SLC14A2: variants seen among roughly 807,000 people sequenced by gnomAD.
SLC14A2 encodes the protein urea transporter 2.
A neutral mutation model predicts 104.6 loss-of-function variants in SLC14A2; 91 were observed. The observed-to-expected ratio is 0.87, with a 90% confidence interval of 0.73 to 1.04. SLC14A2 has a LOEUF of 1.04. Among genes scored for constraint, SLC14A2 ranks in the 50% least tolerant of loss-of-function variants. The pLI is 0.00. For synonymous variants in SLC14A2, 476 were observed against 466.4 expected (o/e 1.02, Z -0.27); for missense variants, 1,189 against 1,156.0 (o/e 1.03, Z -0.41).
intron 2 of SLC14A2, among the ~76,000 whole-genome samples, chr18:45,533,164 T>C (rs2043724913): frequency 6.6e-6 from 1 of 152,188 alleles, no homozygotes; most frequent in South Asian, 2.1e-4. Flanking sequence ...ATTCTCTTTT[T>C]TGGTTGTGTC....
At chr18:45,544,594 T>G (rs1337796704) in intron 2 of SLC14A2, among the ~76,000 whole-genome samples, 3 of 152,082 alleles carry the variant, frequency 2.0e-5, no homozygotes, top group Non-Finnish European at 4.4e-5. Context: ...AAAAAACAAT[T>G]AAAATCACCC....
At chr18:45,631,148 G>C (rs1403253680) in intron 4 of SLC14A2, among the ~76,000 whole-genome samples, 1 of 152,332 alleles carries the variant, frequency 6.6e-6, no homozygotes, top group East Asian at 1.9e-4. Flanking sequence ...GTAAGGTTTA[G>C]CACGCCCACA....
chr18:45,244,567 A>T (rs1012872982), intron 1 of SLC14A2, among the ~76,000 whole-genome samples: 1 of 152,042 alleles, frequency 6.6e-6, no homozygotes, highest in Non-Finnish European at 1.5e-5. Flanking sequence ...CAGAGGTTGC[A>T]ATGAGCTGAG....
intron 4 of SLC14A2, among the ~76,000 whole-genome samples, chr18:45,631,099 T>C (rs2045338438): frequency 6.6e-6 from 1 of 152,192 alleles, no homozygotes; most frequent in African/African-American, 2.4e-5. Flanking sequence ...AGCCCTAAGC[T>C]TCCAGAAGCT....
At chr18:45,434,037 C>T (rs1352455701) in intron 1 of SLC14A2, among the ~76,000 whole-genome samples, 1 of 152,172 alleles carries the variant, frequency 6.6e-6, no homozygotes, top group African/African-American at 2.4e-5. Context: ...ACTTCATCCC[C>T]ATCTCTGAGG....
At chr18:45,664,961 C>A (rs2045992034) in intron 11 of SLC14A2, among the ~76,000 whole-genome samples, 1 of 152,144 alleles carries the variant, frequency 6.6e-6, no homozygotes, top group Admixed American at 6.5e-5. Flanking sequence ...GAGAGCCCTG[C>A]AGCACTGGCA....
intron 1 of SLC14A2, among the ~76,000 whole-genome samples, chr18:45,255,648 C>T (rs2084469658): frequency 6.6e-6 from 1 of 152,226 alleles, no homozygotes; most frequent in Non-Finnish European, 1.5e-5. Flanking sequence ...TTATTTTCCA[C>T]AGTGGCATGT....
intron 2 of SLC14A2, among the ~76,000 whole-genome samples, chr18:45,540,878 T>C (rs2705392): frequency 0.21 from 31,402 of 152,014 alleles, 3,250 homozygotes; most frequent in Admixed American, 0.21. Context: ...CTCTATGAAG[T>C]CTTGCCCTCG....
intron 2 of SLC14A2, among the ~76,000 whole-genome samples, chr18:45,536,350 C>G (rs186629201): frequency 6.6e-6 from 1 of 152,328 alleles, no homozygotes; most frequent in African/African-American, 2.4e-5. Flanking sequence ...TATCCTTTCA[C>G]AGTTTGGGAA....
intron 4 of SLC14A2, among the ~76,000 whole-genome samples, chr18:45,627,828 G>A (rs928020314): frequency 1.3e-5 from 2 of 151,984 alleles, no homozygotes; most frequent in African/African-American, 2.4e-5. Flanking sequence ...TGGCCAACAT[G>A]GTGAAACCCC....
At chr18:45,588,898 A>T (rs187564132) in intron 2 of SLC14A2, among the ~76,000 whole-genome samples, 42 of 151,132 alleles carry the variant, frequency 2.8e-4, no homozygotes, top group Non-Finnish European at 5.3e-4. Context: ...GAAGCAAGGG[A>T]GTTACAGGGA....
At chr18:45,436,119 T>C (rs977242593) in intron 1 of SLC14A2, among the ~76,000 whole-genome samples, 2 of 152,118 alleles carry the variant, frequency 1.3e-5, no homozygotes, top group Non-Finnish European at 2.9e-5. Flanking sequence ...CATTTGGGGG[T>C]ACCACCTTTT....
intron 16 of SLC14A2, among the ~76,000 whole-genome samples, chr18:45,671,725 C>T (rs1161956412): frequency 1.3e-5 from 2 of 152,190 alleles, no homozygotes; most frequent in Admixed American, 6.5e-5. Flanking sequence ...TGAGGGCCCC[C>T]GAGCTGCAGG....
chr18:45,541,701 G>T (rs1405474943), intron 2 of SLC14A2, among the ~76,000 whole-genome samples: 1 of 152,224 alleles, frequency 6.6e-6, no homozygotes, highest in Non-Finnish European at 1.5e-5. Flanking sequence ...TTATGGATAA[G>T]GCAAGATCTA....
intron 1 of SLC14A2, among the ~76,000 whole-genome samples, chr18:45,281,594 C>T (rs926368357): frequency 3.3e-5 from 5 of 152,104 alleles, no homozygotes; most frequent in East Asian, 1.9e-4. Context: ...ATGTTGAGAA[C>T]GGTTGTCATC....
At chr18:45,537,222 T>C (rs969839853) in intron 2 of SLC14A2, among the ~76,000 whole-genome samples, 1 of 151,940 alleles carries the variant, frequency 6.6e-6, no homozygotes. Flanking sequence ...AGGAGCTGCT[T>C]ACATACCAGC....
At chr18:45,557,974 C>T (rs145315192) in intron 2 of SLC14A2, among the ~76,000 whole-genome samples, 4,752 of 152,180 alleles carry the variant, frequency 0.031, 138 homozygotes, top group South Asian at 0.084. Flanking sequence ...CCCAGGATGT[C>T]CACTCAAAGA....
intron 1 of SLC14A2, among the ~76,000 whole-genome samples, chr18:45,459,202 C>T (rs972864880): frequency 6.6e-6 from 1 of 152,164 alleles, no homozygotes; most frequent in Non-Finnish European, 1.5e-5. Context: ...GCCAGGGATC[C>T]CCTTTCCAAG....
intron 1 of SLC14A2, among the ~76,000 whole-genome samples, chr18:45,292,440 G>A (rs2084879158): frequency 6.6e-6 from 1 of 152,212 alleles, no homozygotes; most frequent in African/African-American, 2.4e-5. Flanking sequence ...AGTGTGAAAT[G>A]TACTTTGAGG....
Sources: gnomAD v4.1 joint callset for allele counts (sites outside exome capture counted in the v4.1 genomes callset) on GRCh38, gnomAD v4.1.1 for gene constraint, MANE v1.5 for transcripts, NCBI Gene and HGNC (gene_info 2026-07-23, HGNC 2026-07-21) for gene names.